GLT1D1: variants seen among roughly 807,000 people sequenced by gnomAD.
GLT1D1 encodes the protein glycosyltransferase 1 domain containing 1, also known as glycosyltransferase 1 domain-containing protein 1.
GLT1D1 carries 21 observed loss-of-function variants against 28.7 expected under a neutral mutation model. That is an observed-to-expected ratio of 0.73 (90% CI 0.52 to 1.05). The LOEUF is 1.05. GLT1D1 is among the 50% of genes least tolerant of loss of function. The pLI is 0.00. For synonymous variants in GLT1D1, 147 were observed against 124.8 expected, an observed-to-expected ratio of 1.18 and a Z score of -1.19; for missense variants, 343 against 330.6, an observed-to-expected ratio of 1.04 and a Z score of -0.29.
chr12:128,905,847 T>C (rs1870808242), intron 4 of GLT1D1, among the ~76,000 whole-genome samples: 1 of 151,678 alleles, frequency 6.6e-6, no homozygotes, highest in Non-Finnish European at 1.5e-5. Flanking sequence ...TTTTCTTTAT[T>C]AAAGGAGTCT....
At chr12:128,968,959 C>T (rs1455163984) in intron 7 of GLT1D1, among the ~76,000 whole-genome samples, 2 of 152,100 alleles carry the variant, frequency 1.3e-5, no homozygotes, top group Non-Finnish European at 2.9e-5. Flanking sequence ...CCCCGTCTTT[C>T]CTGCTGTGCC....
At chr12:128,901,310 G>A (rs1275819420) in intron 4 of GLT1D1, among the ~76,000 whole-genome samples, 1 of 151,672 alleles carries the variant, frequency 6.6e-6, no homozygotes, top group Non-Finnish European at 1.5e-5. Flanking sequence ...AGTAGAGATG[G>A]GGTTTTGCCT....
intron 4 of GLT1D1, among the ~76,000 whole-genome samples, chr12:128,914,618 G>A (rs1871902736): frequency 6.6e-6 from 1 of 151,988 alleles, no homozygotes; most frequent in African/African-American, 2.4e-5. Flanking sequence ...TCAGGAGTTC[G>A]AGACCAGCCT....
intron 3 of GLT1D1, among the ~76,000 whole-genome samples, chr12:128,891,131 A>AAAAAAT (rs1327419537): frequency 1.3e-5 from 2 of 151,794 alleles, no homozygotes; most frequent in Non-Finnish European, 2.9e-5. Flanking sequence ...TAATTAATTA[A>AAAAAAT]AAAAATAAAA....
chr12:128,967,298 A>G (rs181922819), intron 7 of GLT1D1, among the ~76,000 whole-genome samples: 1 of 152,374 alleles, frequency 6.6e-6, no homozygotes, highest in East Asian at 1.9e-4. Context: ...ATAGTCAGTC[A>G]ACGGTTTAAT....
chr12:128,862,925 A>G (rs1241949192), intron 1 of GLT1D1, among the ~76,000 whole-genome samples: 1 of 152,200 alleles, frequency 6.6e-6, no homozygotes, highest in Non-Finnish European at 1.5e-5. Context: ...ATGACAGAGA[A>G]GTGTAGGGTG....
chr12:128,971,912 G>A (rs532046547), intron 7 of GLT1D1, among the ~76,000 whole-genome samples: 28 of 126,074 alleles, frequency 2.2e-4, no homozygotes, highest in African/African-American at 7.6e-4. Context: ...TGACCTCATC[G>A]TTCCGCATTA....
chr12:128,984,376 G>A lies in GLT1D1; in HGVS notation c.*1286G>A, dbSNP rs372632959. ...AACCTACATCTTGTTTTTAAAAGAA[G>A]TAGCCTCAAATTAAACTCCTTAAAC... On this transcript the variant is annotated 3_prime_UTR_variant, in exon 8 of 8. Coordinates refer to ENST00000281703, the MANE Select transcript of GLT1D1 (RefSeq NM_144669.3). 6.6e-6 allele frequency: 1 copy of A among 151,880 alleles called. No individual in the cohort carries two copies. The highest frequency in any genetic ancestry group is 1.9e-4 in the East Asian group (1 of 5,186). 9.4% of individuals were successfully genotyped at this position (151,880 alleles called of 1,614,324 possible).
chr12:128,921,163 A>G (rs1198377280), intron 4 of GLT1D1, among the ~76,000 whole-genome samples: 1 of 151,056 alleles, frequency 6.6e-6, no homozygotes, highest in Non-Finnish European at 1.5e-5. Flanking sequence ...CACATAAGCT[A>G]CTCAAATCCA....
chr12:128,925,796 A>G (rs11060021), intron 4 of GLT1D1, among the ~76,000 whole-genome samples: 24,101 of 152,236 alleles, frequency 0.16, 2,478 homozygotes, highest in Non-Finnish European at 0.24. Flanking sequence ...CCCGTGCCTC[A>G]TCCTTTTTCT....
At chr12:128,899,546 GTTT>G (rs34973787) in intron 4 of GLT1D1, among the ~76,000 whole-genome samples, 15 of 124,614 alleles carry the variant, frequency 1.2e-4, no homozygotes, top group Non-Finnish European at 8.6e-5. Context: ...TTTTGTTGCT[GTTT>G]TTTTTTTTTT....
chr12:128,882,335 T>G (rs1397609319), intron 2 of GLT1D1, among the ~76,000 whole-genome samples: 1 of 149,696 alleles, frequency 6.7e-6, no homozygotes, highest in Non-Finnish European at 1.5e-5. Flanking sequence ...TGGAGTACAA[T>G]GGTGAGATCT....
chr12:128,967,164 G>A (rs1353440782), intron 7 of GLT1D1, among the ~76,000 whole-genome samples: 1 of 152,162 alleles, frequency 6.6e-6, no homozygotes, highest in Non-Finnish European at 1.5e-5. Flanking sequence ...CATAAGTTCT[G>A]GAATAATGAC....
At chr12:128,966,542 G>A (rs1878476028) in intron 7 of GLT1D1, among the ~76,000 whole-genome samples, 1 of 152,222 alleles carries the variant, frequency 6.6e-6, no homozygotes, top group Admixed American at 6.5e-5. Context: ...GTTAGATCCA[G>A]GAGAGCAGTT....
chr12:128,948,421 T>C (rs1222217136), intron 6 of GLT1D1, among the ~76,000 whole-genome samples: 8 of 152,158 alleles, frequency 5.3e-5, no homozygotes, highest in African/African-American at 1.9e-4. Flanking sequence ...GTTTTCCTCA[T>C]GCGATTAAAG....
chr12:128,871,732 GTCC>G (rs1444984417), intron 1 of GLT1D1, among the ~76,000 whole-genome samples: 1 of 151,788 alleles, frequency 6.6e-6, no homozygotes, highest in East Asian at 1.9e-4. Context: ...TCTGATCTTT[GTCC>G]TCCTCTTCTT....
intron 2 of GLT1D1, among the ~76,000 whole-genome samples, chr12:128,877,200 G>A (rs904678402): frequency 7.9e-5 from 12 of 152,152 alleles, no homozygotes; most frequent in Non-Finnish European, 1.6e-4. Flanking sequence ...AGATATTTTT[G>A]TTATTGTCTG....
chr12:128,874,105 TCTCTCTCTCTC>T, intron 1 of GLT1D1, among the ~76,000 whole-genome samples: 2 of 48,966 alleles, frequency 4.1e-5, no homozygotes, highest in African/African-American at 1.8e-4. Flanking sequence ...TCTTTCTCTC[TCTCTCTCTCTC>T]TCTCTCTCTC....
At position 128,984,567 on chromosome 12, in the gene GLT1D1, A is replaced by G. The variant is rs903146172; in HGVS notation, c.*1477A>G. 2.0e-5 allele frequency: 3 copies of G among 150,536 alleles called. No homozygotes were observed. Among genetic ancestry groups the G allele is most frequent in the African/African-American group, 7.3e-5 (3 of 40,962 alleles). The allele number at this position is 150,536 out of a possible 1,614,324, so 9.3% of individuals were successfully genotyped here. On this transcript the variant is annotated 3_prime_UTR_variant, in exon 8 of 8. Transcript: ENST00000281703. ...AGAGGACTGCTCAACAATGCCCCCC[A>G]TCGCCGCCCCCCCACCCCTCGCACC...
Sources: allele counts gnomAD v4.1 joint callset (sites outside exome capture counted in the v4.1 genomes callset), GRCh38; gene constraint gnomAD v4.1.1; transcripts MANE v1.5; gene names NCBI Gene and HGNC (gene_info 2026-07-23, HGNC 2026-07-21).